PTBP2: variants seen among roughly 807,000 people sequenced by gnomAD.
PTBP2 encodes the protein polypyrimidine tract-binding protein 2.
In PTBP2, 13 loss-of-function variants were observed where a neutral mutation model predicts 61.4. The ratio of observed to expected loss-of-function variants is 0.21; its 90% CI spans 0.14 to 0.34. The LOEUF is 0.34. Among genes scored for constraint, PTBP2 ranks in the 10% least tolerant of loss-of-function variants. The pLI is 1.00. For synonymous variants in PTBP2, 215 were observed against 218.5 expected (o/e 0.98, Z 0.14); for missense variants, 405 against 642.6 (o/e 0.63, Z 4.00).
At chr1:96,762,927 T>C (rs1257433188) in intron 3 of PTBP2, among the ~76,000 whole-genome samples, 1 of 149,480 alleles carries the variant, frequency 6.7e-6, no homozygotes, top group Non-Finnish European at 1.5e-5. Context: ...GAGGCGCTCC[T>C]CACATCCCAG....
At chr1:96,788,404 T>C (rs905041869) in intron 8 of PTBP2, among the ~76,000 whole-genome samples, 3 of 152,094 alleles carry the variant, frequency 2.0e-5, no homozygotes, top group African/African-American at 7.2e-5. Flanking sequence ...ATACGTTTGG[T>C]GAATATTTTG....
At chr1:96,750,895 T>G (rs953557124) in intron 2 of PTBP2, among the ~76,000 whole-genome samples, 2 of 152,056 alleles carry the variant, frequency 1.3e-5, no homozygotes, top group South Asian at 4.1e-4. Flanking sequence ...CATGACCTTA[T>G]TTTTTTGCAG....
At chr1:96,723,745 AC>A in intron 2 of PTBP2, 151 bp downstream of exon 2, 1 of 594,240 alleles carries the variant, frequency 1.7e-6, no homozygotes, top group Admixed American at 2.9e-5. Flanking sequence ...GACCATATAA[AC>A]AGTTTGTAAT....
downstream of PTBP2, chr1:96,816,024 GTGGGTGGGATTGCCT>G (rs1325360636): frequency 6.6e-6 from 1 of 152,190 alleles, no homozygotes; most frequent in African/African-American, 2.4e-5. Flanking sequence ...GGTGCTCATT[GTGGGTGGGATTGCCT>G]TGGGAAGGAG....
intron 2 of PTBP2, among the ~76,000 whole-genome samples, chr1:96,728,684 CAT>C (rs564043369): frequency 1.3e-5 from 2 of 152,096 alleles, no homozygotes; most frequent in Non-Finnish European, 2.9e-5. Context: ...TTTGTATTTT[CAT>C]ATGAGTCAGT....
intron 8 of PTBP2, among the ~76,000 whole-genome samples, chr1:96,795,607 A>G (rs1660300722): frequency 6.6e-6 from 1 of 152,246 alleles, no homozygotes; most frequent in Non-Finnish European, 1.5e-5. Context: ...TCTAGGGATC[A>G]AATAGGATTA....
intron 11 of PTBP2, among the ~76,000 whole-genome samples, chr1:96,811,318 G>A (rs778610663): frequency 6.6e-6 from 1 of 152,036 alleles, no homozygotes. Flanking sequence ...GTATACTGTA[G>A]TATACTGTTT....
rs1662230816 is a variant in PTBP2 at position 96,813,083 on chromosome 1, T to G, written c.1443T>G (p.Thr481=). 1.2e-6 allele frequency: 2 copies of G among 1,612,376 alleles called. No homozygotes were observed. The highest frequency in any genetic ancestry group is 1.7e-5 in the Admixed American group (1 of 59,928). Residue 481 remains threonine, a synonymous_variant, in exon 13 of 14, where the codon ACT becomes ACG. Coordinates refer to ENST00000674951, the MANE Select transcript of PTBP2 (RefSeq NM_021190.4). Reference sequence around the variant, plus strand: ...CACTGTTCGCTAACACTGGGGGCACTGTGAAAGCATTTAAGTTTTTTCAGT... The same window carrying G: ...CACTGTTCGCTAACACTGGGGGCACGGTGAAAGCATTTAAGTTTTTTCAGT... ...LRTLFANTGG[T]VKAFKFFQDH...
intron 8 of PTBP2, among the ~76,000 whole-genome samples, chr1:96,790,929 G>A (rs1441527585): frequency 6.6e-6 from 1 of 151,936 alleles, no homozygotes; most frequent in Non-Finnish European, 1.5e-5. Flanking sequence ...AGGAATTCAT[G>A]CCCATAAAAC....
intron 2 of PTBP2, among the ~76,000 whole-genome samples, chr1:96,743,815 G>C (rs1452001780): frequency 6.6e-6 from 1 of 151,910 alleles, no homozygotes; most frequent in African/African-American, 2.4e-5. Context: ...AAATTTCTAA[G>C]CTGTTTTATT....
At chr1:96,807,039 C>G (rs1010324125) in intron 11 of PTBP2, 81 bp downstream of exon 11, 3 of 1,044,862 alleles carry the variant, frequency 2.9e-6, no homozygotes, top group Non-Finnish European at 4.2e-6. Context: ...TAAAAATAAA[C>G]TCCTTTACAT....
chr1:96,778,281 T>G (rs1000264688), intron 7 of PTBP2, among the ~76,000 whole-genome samples: 3 of 151,880 alleles, frequency 2.0e-5, no homozygotes, highest in Non-Finnish European at 2.9e-5. Context: ...GCTGGGAATT[T>G]CAAAGTAATT....
At chr1:96,793,091 T>C (rs1347599607) in intron 8 of PTBP2, among the ~76,000 whole-genome samples, 1 of 152,222 alleles carries the variant, frequency 6.6e-6, no homozygotes, top group Non-Finnish European at 1.5e-5. Context: ...AATACTTGGT[T>C]AGAGGTCACA....
At position 96,785,038 on chromosome 1, in the gene PTBP2, AT is replaced by A. The variant is rs758872824; in HGVS notation, c.709-20del. ...TTATTTTTTGTTTAAGATTGCTGATATGCTTTATTCACTTTTACAGGCCCTA... is the reference window on the plus strand; with the variant it reads ...TTATTTTTTGTTTAAGATTGCTGATAGCTTTATTCACTTTTACAGGCCCTA... On this transcript the variant is annotated intron_variant, in intron 7 of 13. Coordinates refer to ENST00000674951, the MANE Select transcript of PTBP2 (RefSeq NM_021190.4). 13 of 1,473,816 alleles carry A rather than the reference AT, an allele frequency of 8.8e-6. 1 individual carries two copies. In the South Asian group the frequency reaches 1.8e-4, roughly 20 times the overall value. 91.3% of individuals were successfully genotyped at this position (1,473,816 alleles called of 1,614,324 possible). A position where few individuals can be genotyped will look rare whatever the true frequency, so the allele number is the denominator to read the frequency against.
intron 5 of PTBP2, among the ~76,000 whole-genome samples, chr1:96,776,213 A>G (rs1658021373): frequency 1.3e-5 from 2 of 152,036 alleles, no homozygotes; most frequent in African/African-American, 4.8e-5. Context: ...CAGTAAGAAC[A>G]TGTTCACTAA....
At chr1:96,801,079 T>C (rs1326359387) in intron 8 of PTBP2, among the ~76,000 whole-genome samples, 1 of 152,138 alleles carries the variant, frequency 6.6e-6, no homozygotes. Context: ...CAGTTTTTCA[T>C]AAAAATAAAG....
At chr1:96,810,294 ATTGT>A (rs1305375187) in intron 11 of PTBP2, among the ~76,000 whole-genome samples, 1 of 152,180 alleles carries the variant, frequency 6.6e-6, no homozygotes, top group Non-Finnish European at 1.5e-5. Context: ...TAAGATTCAC[ATTGT>A]TTAAAATTTT....
At chr1:96,745,907 A>G (rs1205916006) in intron 2 of PTBP2, among the ~76,000 whole-genome samples, 1 of 151,974 alleles carries the variant, frequency 6.6e-6, no homozygotes, top group Non-Finnish European at 1.5e-5. Flanking sequence ...CTCTACTAAA[A>G]ATACCATAAT....
downstream of PTBP2, chr1:96,817,553 C>A (rs138989526): frequency 6.6e-6 from 1 of 151,936 alleles, no homozygotes; most frequent in South Asian, 2.1e-4. Flanking sequence ...TGTTCAAATA[C>A]GCGGAAAAAT....
Sources: allele counts gnomAD v4.1 joint callset (sites outside exome capture counted in the v4.1 genomes callset), GRCh38; gene constraint gnomAD v4.1.1; transcripts MANE v1.5; gene names NCBI Gene and HGNC (gene_info 2026-07-23, HGNC 2026-07-21).